Variants in FLI1 observed in about 807,000 individuals in gnomAD.
FLI1 encodes the protein Friend leukemia integration 1 transcription factor.
In FLI1, 13 loss-of-function variants were observed where a neutral mutation model predicts 53.1. The observed-to-expected ratio is 0.24, with a 90% CI of 0.16 to 0.39. The LOEUF (loss-of-function observed/expected upper bound fraction) is 0.39. FLI1 is among the 10% of genes least tolerant of loss of function. FLI1 has a pLI of 1.00. For synonymous variants in FLI1, 244 were observed against 236.7 expected (o/e 1.03, Z -0.28); for missense variants, 424 against 600.5 (o/e 0.71, Z 3.07).
At chr11:128,707,473 T>C (rs1417081248) in intron 1 of FLI1, among the ~76,000 whole-genome samples, 2 of 152,210 alleles carry the variant, frequency 1.3e-5, no homozygotes, top group Non-Finnish European at 2.9e-5. Context: ...GTGACTTTTC[T>C]AGAAACGTCA....
chr11:128,807,711 G>A (rs1942823464), intron 7 of FLI1, among the ~76,000 whole-genome samples: 1 of 152,208 alleles, frequency 6.6e-6, no homozygotes, highest in Admixed American at 6.5e-5. Flanking sequence ...CCGTATTGGA[G>A]AGGAACTTGG....
At chr11:128,753,455 C>T (rs1353807784) in intron 1 of FLI1, among the ~76,000 whole-genome samples, 2 of 152,186 alleles carry the variant, frequency 1.3e-5, no homozygotes, top group African/African-American at 2.4e-5. Context: ...GGAATGTAGT[C>T]CCTCTGAGGA....
intron 1 of FLI1, among the ~76,000 whole-genome samples, chr11:128,698,691 G>A (rs1208893145): frequency 7.2e-6 from 1 of 139,280 alleles, no homozygotes; most frequent in African/African-American, 2.7e-5. Flanking sequence ...AATCGTGGAG[G>A]CAGTGTGTGT....
At chr11:128,735,063 C>A (rs1939863574) in intron 1 of FLI1, among the ~76,000 whole-genome samples, 1 of 152,174 alleles carries the variant, frequency 6.6e-6, no homozygotes, top group South Asian at 2.1e-4. Flanking sequence ...CCTTCAGAAC[C>A]TTTGTTTCTT....
At chr11:128,714,272 C>T (rs928823300) in intron 1 of FLI1, among the ~76,000 whole-genome samples, 3 of 151,432 alleles carry the variant, frequency 2.0e-5, no homozygotes, top group South Asian at 2.1e-4. Context: ...CGCTGGCTGG[C>T]GCCGACATAA....
intron 1 of FLI1, among the ~76,000 whole-genome samples, chr11:128,731,320 T>A (rs368239259): frequency 2.2e-4 from 34 of 152,292 alleles, no homozygotes; most frequent in Middle Eastern, 3.4e-3. Context: ...GTTGGTGAGT[T>A]TGCTCTCATC....
intron 1 of FLI1, among the ~76,000 whole-genome samples, chr11:128,749,076 C>T (rs554574667): frequency 4.6e-4 from 70 of 152,234 alleles, no homozygotes; most frequent in Non-Finnish European, 7.6e-4. Flanking sequence ...ATTCTGAGAT[C>T]GATTCCCCCC....
At chr11:128,698,733 T>TGTGTGTGTGTGTGAGAGA (rs766077047) in intron 1 of FLI1, among the ~76,000 whole-genome samples, 11 of 133,820 alleles carry the variant, frequency 8.2e-5, no homozygotes, top group South Asian at 4.8e-4. Context: ...TGTGTGTGTG[T>TGTGTGTGTGTGTGAGAGA]GAGAGAGAGA....
At chr11:128,734,873 A>T (rs1471647825) in intron 1 of FLI1, among the ~76,000 whole-genome samples, 1 of 152,238 alleles carries the variant, frequency 6.6e-6, no homozygotes, top group Non-Finnish European at 1.5e-5. Context: ...AAGGGGCAAG[A>T]TCAAAAGGGA....
intron 2 of FLI1, among the ~76,000 whole-genome samples, chr11:128,759,168 C>CAG (rs1325836087): frequency 6.6e-6 from 1 of 152,230 alleles, no homozygotes; most frequent in Non-Finnish European, 1.5e-5. Flanking sequence ...ACTTGAAAGA[C>CAG]AGAGAACATC....
intron 1 of FLI1, among the ~76,000 whole-genome samples, chr11:128,688,576 A>G (rs1332029661): frequency 1.3e-5 from 2 of 151,952 alleles, no homozygotes; most frequent in Non-Finnish European, 2.9e-5. Flanking sequence ...CCAGGCGCCC[A>G]GGCCCCATGA....
chr11:128,798,455 C>T (rs538959665), intron 5 of FLI1, among the ~76,000 whole-genome samples: 21 of 152,216 alleles, frequency 1.4e-4, no homozygotes, highest in Non-Finnish European at 2.6e-4. Flanking sequence ...TCACTCTCCA[C>T]GCTTTTCATA....
At chr11:128,718,316 G>A (rs1455743423) in intron 1 of FLI1, among the ~76,000 whole-genome samples, 5 of 152,350 alleles carry the variant, frequency 3.3e-5, no homozygotes, top group Non-Finnish European at 2.9e-5. Context: ...AGATGTGTGT[G>A]GTCTGAGCAA....
At chr11:128,728,423 G>C (rs1939566734) in intron 1 of FLI1, among the ~76,000 whole-genome samples, 1 of 152,280 alleles carries the variant, frequency 6.6e-6, no homozygotes, top group Non-Finnish European at 1.5e-5. Flanking sequence ...TCTTAGCTGT[G>C]TCACCTCTGG....
At chr11:128,787,443 C>T (rs1434501927) in intron 5 of FLI1, among the ~76,000 whole-genome samples, 1 of 152,172 alleles carries the variant, frequency 6.6e-6, no homozygotes, top group Non-Finnish European at 1.5e-5. Flanking sequence ...GAATCATTAT[C>T]TCAGCATACT....
At chr11:128,783,973 G>A (rs151043603) in intron 5 of FLI1, among the ~76,000 whole-genome samples, 112 of 152,020 alleles carry the variant, frequency 7.4e-4, no homozygotes, top group African/African-American at 2.7e-3. Context: ...AGGGAGAAAA[G>A]CAAGGCTATA....
intron 1 of FLI1, among the ~76,000 whole-genome samples, chr11:128,698,557 A>T (rs990815948): frequency 1.3e-5 from 2 of 152,228 alleles, no homozygotes; most frequent in Non-Finnish European, 1.5e-5. Context: ...ATTGTCCAAG[A>T]TCATACAGCT....
At chr11:128,721,240 G>T (rs1939238501) in intron 1 of FLI1, among the ~76,000 whole-genome samples, 1 of 152,128 alleles carries the variant, frequency 6.6e-6, no homozygotes, top group East Asian at 1.9e-4. Context: ...TGATTCACAT[G>T]GTGCCATCCA....
chr11:128,760,520 CTTTTTTTTTTTTTT>C (rs1179242159), intron 2 of FLI1, among the ~76,000 whole-genome samples: 13 of 103,572 alleles, frequency 1.3e-4, no homozygotes, highest in Non-Finnish European at 2.2e-4. Flanking sequence ...GTGGAGATTC[CTTTTTTTTTTTTTT>C]TTTTTTTTTT....
Sources: allele counts gnomAD v4.1 joint callset (sites outside exome capture counted in the v4.1 genomes callset), GRCh38; gene constraint gnomAD v4.1.1; transcripts MANE v1.5; gene names NCBI Gene and HGNC (gene_info 2026-07-23, HGNC 2026-07-21).